DMD: variants seen among roughly 807,000 people sequenced by gnomAD.
DMD encodes mutant dystrophin.
A neutral mutation model predicts 330.1 loss-of-function variants in DMD; 63 were observed. The observed-to-expected ratio is 0.19, with a 90% confidence interval of 0.16 to 0.24. The LOEUF (loss-of-function observed/expected upper bound fraction) is 0.24, where lower values mean the gene tolerates loss of function less well. Ranked by LOEUF, DMD falls within the 10% of genes least tolerant of loss-of-function variation. DMD has a pLI of 1.00. For missense variants in DMD, 3,344 were observed against 2,684.1 expected (o/e 1.25, Z -5.43); for synonymous variants, 1,223 against 959.8 (o/e 1.27, Z -5.07).
rs183666362 is a variant in DMD at position 32,101,721 on chromosome X, A to G, written c.6438+115195T>C. Reference sequence around the variant, plus strand: ...AACACTTTACCAATATAACAATTATAATCAGTAAGAACATTGCTTCTATAT... The same window carrying G: ...AACACTTTACCAATATAACAATTATGATCAGTAAGAACATTGCTTCTATAT... On this transcript the variant is annotated intron_variant, in intron 44 of 78. Transcript: ENST00000357033. Among the ~76,000 whole-genome samples the G allele has an allele frequency of 2.7e-5, 3 of 111,812 alleles. No individual in the cohort carries two copies. In the South Asian group the frequency reaches 1.1e-3, roughly 41 times the overall value.
chrX:32,646,292 G>T (rs1278627091), intron 9 of DMD, among the ~76,000 whole-genome samples: 1 of 111,461 alleles, frequency 9.0e-6, no homozygotes, highest in South Asian at 3.8e-4. Flanking sequence ...TAAGTTTGCA[G>T]GAGGTTTTGC....
chrX:32,706,329 C>A (rs1483544025), intron 7 of DMD, among the ~76,000 whole-genome samples: 1 of 108,189 alleles, frequency 9.2e-6, no homozygotes, highest in Non-Finnish European at 1.9e-5. Flanking sequence ...CACATGTATA[C>A]ATATGTAACA....
chrX:31,275,265 T>C (rs1478524592), intron 62 of DMD, among the ~76,000 whole-genome samples: 1 of 110,439 alleles, frequency 9.1e-6, no homozygotes, highest in East Asian at 2.8e-4. Flanking sequence ...TAATCGCTCA[T>C]ATTAATAATT....
chrX:31,248,966 A>G (rs767713720), intron 63 of DMD, among the ~76,000 whole-genome samples: 98 of 111,539 alleles, frequency 8.8e-4, no homozygotes, highest in African/African-American at 3.0e-3. Flanking sequence ...AGCCCTAGGT[A>G]TAACAGAAAC....
chrX:32,763,028 G>A (rs2072519444), intron 7 of DMD, among the ~76,000 whole-genome samples: 1 of 110,866 alleles, frequency 9.0e-6, no homozygotes, highest in South Asian at 3.8e-4. Flanking sequence ...TGTCTCAGTT[G>A]ACCTTATTTC....
chrX:31,823,881 G>C (rs765882488), intron 49 of DMD, among the ~76,000 whole-genome samples: 1 of 111,540 alleles, frequency 9.0e-6, no homozygotes, highest in African/African-American at 3.3e-5. Flanking sequence ...GCCTTATTAG[G>C]CTTTTATAAA....
intron 1 of DMD, among the ~76,000 whole-genome samples, chrX:33,304,263 A>C (rs747849834): frequency 1.8e-5 from 2 of 110,742 alleles, no homozygotes; most frequent in African/African-American, 6.6e-5. Context: ...ATAATGCTGC[A>C]TATCTACAAC....
chrX:32,187,644 T>G (rs915118554), intron 44 of DMD, among the ~76,000 whole-genome samples: 5 of 112,010 alleles, frequency 4.5e-5, no homozygotes, highest in African/African-American at 1.6e-4. Context: ...ATATGCTGTC[T>G]ATGAATTAAA....
At chrX:32,912,009 G>C (rs1250493897) in intron 2 of DMD, among the ~76,000 whole-genome samples, 1 of 92,978 alleles carries the variant, frequency 1.1e-5, no homozygotes, top group Admixed American at 1.2e-4. Flanking sequence ...GGAGAGGAGA[G>C]AAGAAGAGTG....
intron 43 of DMD, among the ~76,000 whole-genome samples, chrX:32,259,604 G>A (rs2097313731): frequency 1.8e-5 from 2 of 111,172 alleles, no homozygotes; most frequent in South Asian, 3.7e-4. Flanking sequence ...AGTAAGAAAT[G>A]TTTTAAGAAA....
At chrX:32,443,000 G>C (rs781436312) in intron 27 of DMD, among the ~76,000 whole-genome samples, 1 of 110,755 alleles carries the variant, frequency 9.0e-6, no homozygotes, top group East Asian at 2.8e-4. Flanking sequence ...TAGCTTTCTA[G>C]ATGGTGATTA....
At position 32,604,946 on chromosome X, in the gene DMD, A is replaced by G. The variant is rs143342213; in HGVS notation, c.1483-9070T>C. ...AAACTTTCCCTGCTCATGGATTGGG[A>G]GCATCAATATTGTTAAAATAACCAC... is the stretch of plus-strand genomic sequence containing the variant. On this transcript the variant is annotated intron_variant, in intron 12 of 78. Coordinates refer to ENST00000357033, the MANE Select transcript of DMD (RefSeq NM_004006.3). Among the ~76,000 whole-genome samples, 455 of 111,322 alleles carry G rather than the reference A, an allele frequency of 4.1e-3. 3 individuals are homozygous for G. Among genetic ancestry groups the G allele is most frequent in the African/African-American group, 0.014 (439 of 30,821 alleles).
intron 11 of DMD, among the ~76,000 whole-genome samples, chrX:32,631,983 C>T (rs1016561176): frequency 2.7e-5 from 3 of 111,444 alleles, no homozygotes; most frequent in Non-Finnish European, 5.6e-5. Flanking sequence ...AAGGTCTTTA[C>T]TTATTCCAGA....
chrX:32,618,028 T>A (rs1327611533), intron 11 of DMD, among the ~76,000 whole-genome samples: 1 of 111,565 alleles, frequency 9.0e-6, no homozygotes, highest in Admixed American at 9.5e-5. Context: ...GGTATCAGCT[T>A]ACTTGCAAAG....
chrX:31,601,354 C>G (rs1258907280), intron 55 of DMD, among the ~76,000 whole-genome samples: 8 of 112,045 alleles, frequency 7.1e-5, no homozygotes, highest in Non-Finnish European at 1.5e-4. Flanking sequence ...TATGTAATCA[C>G]AGTGTTATCA....
intron 1 of DMD, among the ~76,000 whole-genome samples, chrX:33,318,368 A>G (rs1244371312): frequency 9.0e-6 from 1 of 111,092 alleles, no homozygotes; most frequent in Non-Finnish European, 1.9e-5. Flanking sequence ...TAGATGATTT[A>G]AAATTTTAAA....
At chrX:31,569,201 C>T (rs1447922377) in intron 55 of DMD, among the ~76,000 whole-genome samples, 1 of 110,609 alleles carries the variant, frequency 9.0e-6, no homozygotes, top group African/African-American at 3.3e-5. Context: ...GTCAAGACTT[C>T]GTTATAATTT....
At chrX:31,488,224 G>A (rs1344335082) in intron 57 of DMD, among the ~76,000 whole-genome samples, 1 of 112,158 alleles carries the variant, frequency 8.9e-6, no homozygotes, top group Non-Finnish European at 1.9e-5. Context: ...GACCTTGAGA[G>A]ATCACTGGTG....
chrX:32,652,551 G>T (rs1048349692), intron 9 of DMD, among the ~76,000 whole-genome samples: 3 of 110,494 alleles, frequency 2.7e-5, no homozygotes, highest in Non-Finnish European at 5.7e-5. Context: ...GGACATTTGG[G>T]TTGGTTCCAA....
Sources: allele counts gnomAD v4.1 joint callset (sites outside exome capture counted in the v4.1 genomes callset), GRCh38; gene constraint gnomAD v4.1.1; transcripts MANE v1.5; gene names NCBI Gene and HGNC (gene_info 2026-07-23, HGNC 2026-07-21).